FRYL: variants seen among roughly 807,000 people sequenced by gnomAD.
The protein encoded by FRYL is protein furry homolog-like.
A neutral mutation model predicts 351.2 loss-of-function variants in FRYL; 150 were observed. The ratio of observed to expected loss-of-function variants is 0.43; its 90% CI spans 0.37 to 0.49. The LOEUF is 0.49. FRYL is among the 20% of genes least tolerant of loss of function. The pLI, the probability that FRYL is intolerant of heterozygous loss-of-function variation, is 0.00. For missense variants in FRYL, 3,036 were observed against 3,619.3 expected (o/e 0.84, Z 4.13); for synonymous variants, 1,153 against 1,257.1 (o/e 0.92, Z 1.75).
intron 28 of FRYL, 27 bp from the exon 29 acceptor site, chr4:48,565,718 T>C: frequency 1.9e-6 from 3 of 1,590,818 alleles, no homozygotes; most frequent in Middle Eastern, 3.3e-4. Context: ...ATAGAAAACA[T>C]TTATTTCCAT....
chr4:48,551,043 G>A (rs562671575), intron 37 of FRYL, among the ~76,000 whole-genome samples: 2 of 151,492 alleles, frequency 1.3e-5, no homozygotes, highest in African/African-American at 4.8e-5. Context: ...CTCCAGTCTG[G>A]CAACAGAGCG....
chr4:48,525,268 C>T (rs1303419362), intron 53 of FRYL, among the ~76,000 whole-genome samples: 2 of 151,250 alleles, frequency 1.3e-5, no homozygotes, highest in African/African-American at 4.9e-5. Flanking sequence ...AAAGCTACTG[C>T]TCTGAAAGGT....
rs559971226 is a variant in FRYL at position 48,694,432 on chromosome 4, G to A, written c.-203-9637C>T. 2.4e-4 allele frequency among the ~76,000 whole-genome samples: 36 copies of A among 152,032 alleles called. 1 individual carries two copies. In the South Asian group the frequency reaches 5.4e-3, roughly 23 times the overall value. On this transcript the variant is annotated intron_variant, in intron 2 of 63. Transcript: ENST00000358350. ...CCTGCTCAGCCACCTGAGTAGCTGG[G>A]ATTACAGGCATGTGCCACTGCGCCC...
chr4:48,578,882 C>A (rs1740254733), intron 23 of FRYL, 91 bp downstream of exon 23: 2 of 1,126,024 alleles, frequency 1.8e-6, no homozygotes, highest in East Asian at 2.4e-5. Context: ...ATGGGCCTTC[C>A]AATCTGTAAT....
chr4:48,715,572 T>G (rs1273041550), intron 1 of FRYL, among the ~76,000 whole-genome samples: 8 of 151,522 alleles, frequency 5.3e-5, no homozygotes, highest in Non-Finnish European at 1.2e-4. Flanking sequence ...ACAAGGGATG[T>G]GAAGGACCTC....
At chr4:48,606,090 T>C (rs2149265176) in intron 10 of FRYL, among the ~76,000 whole-genome samples, 1 of 94,974 alleles carries the variant, frequency 1.1e-5, no homozygotes, top group South Asian at 4.5e-4. Context: ...ATCCCGTCTC[T>C]ACTAAAGAAA....
chr4:48,563,688 T>C (rs1353841547), intron 31 of FRYL, among the ~76,000 whole-genome samples: 2 of 147,382 alleles, frequency 1.4e-5, no homozygotes, highest in East Asian at 4.0e-4. Flanking sequence ...CTAGCCTGGG[T>C]GACAGCGAGA....
intron 2 of FRYL, among the ~76,000 whole-genome samples, chr4:48,692,865 C>T (rs143688620): frequency 6.6e-6 from 1 of 152,196 alleles, no homozygotes; most frequent in East Asian, 1.9e-4. Flanking sequence ...AAAGAACGGA[C>T]TAAAAGATCT....
rs770058316 is a variant in FRYL at position 48,550,883 on chromosome 4, C to A, written c.4521-179G>T. On this transcript the variant is annotated intron_variant, in intron 37 of 63. Coordinates refer to ENST00000358350, the MANE Select transcript of FRYL (RefSeq NM_015030.2). ...GGTCAGGAGATCGAGACCATCCTGG[C>A]CAACATGGTGAAACCCCGTGTCTAC... is the stretch of plus-strand genomic sequence containing the variant. Among the ~76,000 whole-genome samples the A allele has an allele frequency of 2.8e-4, 42 of 152,066 alleles. No individual in the cohort carries two copies. The highest frequency in any genetic ancestry group is 4.7e-4 in the Non-Finnish European group (32 of 68,016).
chr4:48,580,821 A>T, intron 22 of FRYL, 44 bp downstream of exon 22: 1 of 1,262,222 alleles, frequency 7.9e-7, no homozygotes, highest in Non-Finnish European at 1.2e-6. Context: ...TGTCTGTCAT[A>T]AGTCTCAAAA....
At chr4:48,744,898 T>TA (rs1302173634) in intron 1 of FRYL, among the ~76,000 whole-genome samples, 3 of 151,976 alleles carry the variant, frequency 2.0e-5, no homozygotes, top group Non-Finnish European at 4.4e-5. Context: ...AAACAGACTT[T>TA]AAAAAAAAGA....
Position 48,570,734 on chromosome 4 carries a change from G to A in FRYL, c.2996+93C>T, listed in dbSNP as rs575183536. On this transcript the variant is annotated intron_variant, in intron 27 of 63. Coordinates refer to ENST00000358350, the MANE Select transcript of FRYL (RefSeq NM_015030.2). ...ACATACAGGTTTTCTTGTTGCAATGGTGCTTTTCTGTTTTTATACATTTCA... is the reference window on the plus strand; with the variant it reads ...ACATACAGGTTTTCTTGTTGCAATGATGCTTTTCTGTTTTTATACATTTCA... The A allele has an allele frequency of 3.8e-5, 33 of 869,324 alleles. No homozygotes were observed. The African/African-American group carries it at 5.2e-4, about 14-fold the overall frequency. 53.9% of individuals were successfully genotyped at this position (869,324 alleles called of 1,614,324 possible).
rs1251654022 is a variant in FRYL, at chr4:48,549,628, C to T, written c.4634-5G>A. On this transcript the variant is annotated splice_region_variant and splice_polypyrimidine_tract_variant and intron_variant, in intron 38 of 63. Coordinates refer to ENST00000358350, the MANE Select transcript of FRYL (RefSeq NM_015030.2). This position sits in a 1 kb window ranked among gnomAD's most constrained non-coding sequence, Gnocchi z 4.2. ...AATAAAGTGGCATTGAATCACCTAT[C>T]AAGATAAAATGATCTCATTTTCTAC... 6.2e-7 allele frequency: 1 copy of T among 1,606,680 alleles called. No homozygotes were observed.
chr4:48,728,130 A>C (rs1385771341), intron 1 of FRYL, among the ~76,000 whole-genome samples: 1 of 152,052 alleles, frequency 6.6e-6, no homozygotes, highest in Non-Finnish European at 1.5e-5. Context: ...AAGGCAAATA[A>C]TGTAGTTTGA....
At chr4:48,613,707 G>A (rs1369508996) in intron 7 of FRYL, among the ~76,000 whole-genome samples, 1 of 151,972 alleles carries the variant, frequency 6.6e-6, no homozygotes, top group Non-Finnish European at 1.5e-5. Context: ...TGTAATCCCA[G>A]CACTCTGGGA....
At chr4:48,744,525 A>G (rs908645432) in intron 1 of FRYL, among the ~76,000 whole-genome samples, 3 of 152,228 alleles carry the variant, frequency 2.0e-5, no homozygotes, top group African/African-American at 7.2e-5. Context: ...GAAAACCAAC[A>G]AATAGTTGCA....
chr4:48,674,369 AAC>A (rs1158672069), intron 3 of FRYL, among the ~76,000 whole-genome samples: 3 of 152,168 alleles, frequency 2.0e-5, no homozygotes, highest in Non-Finnish European at 4.4e-5. Context: ...CATACAAAAA[AAC>A]AGTCTAAGGA....
intron 3 of FRYL, among the ~76,000 whole-genome samples, chr4:48,647,486 A>T (rs1053140060): frequency 3.9e-5 from 6 of 152,210 alleles, no homozygotes; most frequent in African/African-American, 1.4e-4. Flanking sequence ...TTTGAATCTT[A>T]TTAGTAAACT....
intron 1 of FRYL, among the ~76,000 whole-genome samples, chr4:48,757,845 G>T (rs1184522247): frequency 6.6e-6 from 1 of 152,092 alleles, no homozygotes; most frequent in Non-Finnish European, 1.5e-5. Context: ...ATACTACAAG[G>T]CTACAGTAAC....
Sources: allele counts gnomAD v4.1 joint callset (sites outside exome capture counted in the v4.1 genomes callset), GRCh38; gene constraint gnomAD v4.1.1; non-coding constraint Gnocchi (gnomAD v3.1); transcripts MANE v1.5; gene names NCBI Gene and HGNC (gene_info 2026-07-23, HGNC 2026-07-21).